IQCJ: variants seen among roughly 807,000 people sequenced by gnomAD.
IQCJ encodes the protein IQ domain-containing protein J.
IQCJ carries 9 observed loss-of-function variants against 11.0 expected under a neutral mutation model. That is an observed-to-expected ratio of 0.82 (90% CI 0.49 to 1.43). The LOEUF (loss-of-function observed/expected upper bound fraction) is 1.43. IQCJ is among the 40% of genes most tolerant of loss of function. The probability of loss-of-function intolerance (pLI) is 0.00; values close to 1 mark genes in which losing one functional copy is unlikely to be tolerated. For synonymous variants in IQCJ, 55 were observed against 51.3 expected (o/e 1.07, Z -0.31); for missense variants, 146 against 133.2 (o/e 1.10, Z -0.47).
At chr3:159,221,820 T>TAA (rs59547898) in intron 1 of IQCJ, among the ~76,000 whole-genome samples, 2 of 99,066 alleles carry the variant, frequency 2.0e-5, no homozygotes, top group Non-Finnish European at 4.5e-5. Context: ...CAAGAAAGAA[T>TAA]AAAAAAAAAA....
chr3:159,166,738 A>G (rs967820384), intron 1 of IQCJ, among the ~76,000 whole-genome samples: 1 of 152,174 alleles, frequency 6.6e-6, no homozygotes, highest in Admixed American at 6.5e-5. Context: ...TATGCAAAGG[A>G]AAAATTGAAG....
intron 1 of IQCJ, among the ~76,000 whole-genome samples, chr3:159,214,800 G>C (rs563228687): frequency 6.6e-6 from 1 of 152,028 alleles, no homozygotes; most frequent in Non-Finnish European, 1.5e-5. Context: ...TTCTTTCTTT[G>C]TTTCTGGCAG....
intron 2 of IQCJ, among the ~76,000 whole-genome samples, chr3:159,252,068 T>C (rs1577116243): frequency 6.6e-6 from 1 of 152,190 alleles, no homozygotes; most frequent in Non-Finnish European, 1.5e-5. Flanking sequence ...TGTTTTCACC[T>C]CTATTTGTTT....
chr3:159,257,756 T>C (rs1482525885), intron 3 of IQCJ, among the ~76,000 whole-genome samples: 1 of 152,210 alleles, frequency 6.6e-6, no homozygotes, highest in Non-Finnish European at 1.5e-5. Flanking sequence ...AAAAATCAAC[T>C]AACAGACTGA....
intron 1 of IQCJ, among the ~76,000 whole-genome samples, chr3:159,232,451 CTTTTTTTTTTTTTT>C (rs35423818): frequency 1.2e-5 from 1 of 83,762 alleles, no homozygotes; most frequent in Non-Finnish European, 2.3e-5. Context: ...GAGAGACTTT[CTTTTTTTTTTTTTT>C]TTTTTTTTTG....
intron 1 of IQCJ, among the ~76,000 whole-genome samples, chr3:159,125,783 A>G (rs185731550): frequency 1.3e-5 from 2 of 152,340 alleles, no homozygotes; most frequent in Non-Finnish European, 2.9e-5. Context: ...ATTCAGCCTA[A>G]TCAATCCAAA....
chr3:159,121,340 G>A (rs1719371568), intron 1 of IQCJ, among the ~76,000 whole-genome samples: 1 of 151,948 alleles, frequency 6.6e-6, no homozygotes, highest in South Asian at 2.1e-4. Flanking sequence ...TTGCCATGTT[G>A]CCCAGGCTGA....
intron 1 of IQCJ, among the ~76,000 whole-genome samples, chr3:159,151,754 G>A (rs927339663): frequency 3.3e-5 from 5 of 152,168 alleles, no homozygotes; most frequent in Admixed American, 2.6e-4. Context: ...TCCTGCCTCA[G>A]CCTCCTGAGC....
At chr3:159,073,292 C>A (rs548110067) in intron 1 of IQCJ, among the ~76,000 whole-genome samples, 1 of 152,234 alleles carries the variant, frequency 6.6e-6, no homozygotes, top group African/African-American at 2.4e-5. Flanking sequence ...GCACTTCTTG[C>A]AGCTGAATAG....
intron 1 of IQCJ, among the ~76,000 whole-genome samples, chr3:159,151,157 T>G (rs1721192726): frequency 6.6e-6 from 1 of 152,140 alleles, no homozygotes; most frequent in Non-Finnish European, 1.5e-5. Context: ...GAGCAGAACA[T>G]CTCTTCCACC....
chr3:159,103,976 C>G (rs1226484697), intron 1 of IQCJ, among the ~76,000 whole-genome samples: 4 of 152,216 alleles, frequency 2.6e-5, no homozygotes, highest in Admixed American at 2.0e-4. Flanking sequence ...GGGGCCCCAT[C>G]TAGTGAGGCA....
At chr3:159,229,315 T>G (rs549257934) in intron 1 of IQCJ, among the ~76,000 whole-genome samples, 1 of 152,180 alleles carries the variant, frequency 6.6e-6, no homozygotes, top group Non-Finnish European at 1.5e-5. Context: ...ATCTAGAATA[T>G]TCACTTTCAA....
chr3:159,153,290 C>G (rs2108206038), intron 1 of IQCJ, among the ~76,000 whole-genome samples: 1 of 152,266 alleles, frequency 6.6e-6, no homozygotes, highest in Middle Eastern at 3.4e-3. Context: ...TGTAGGAGCT[C>G]TGTTAGCCAA....
chr3:159,074,583 T>A (rs1238828769), intron 1 of IQCJ, among the ~76,000 whole-genome samples: 2 of 152,104 alleles, frequency 1.3e-5, no homozygotes, highest in African/African-American at 4.8e-5. Flanking sequence ...CACTGCTCGT[T>A]CAACTCCTCA....
At chr3:159,257,168 T>G (rs1028162858) in intron 3 of IQCJ, among the ~76,000 whole-genome samples, 1 of 152,202 alleles carries the variant, frequency 6.6e-6, no homozygotes, top group African/African-American at 2.4e-5. Flanking sequence ...CCCAGAACTG[T>G]GGAGTGGTCA....
intron 1 of IQCJ, among the ~76,000 whole-genome samples, chr3:159,237,194 A>C (rs1488089394): frequency 2.0e-5 from 3 of 152,252 alleles, no homozygotes; most frequent in Non-Finnish European, 2.9e-5. Context: ...GAGAAAAAGC[A>C]ATTTTGATTG....
chr3:159,090,251 G>A (rs1275838238), intron 1 of IQCJ, among the ~76,000 whole-genome samples: 2 of 151,710 alleles, frequency 1.3e-5, no homozygotes, highest in Non-Finnish European at 2.9e-5. Context: ...GGGGTCAGGG[G>A]TCAGGGACCC....
chr3:159,201,812 GT>G (rs1724364100), intron 1 of IQCJ, among the ~76,000 whole-genome samples: 1 of 151,868 alleles, frequency 6.6e-6, no homozygotes, highest in Non-Finnish European at 1.5e-5. Context: ...GGATTTGGAA[GT>G]TTTCTGTTGT....
intron 1 of IQCJ, among the ~76,000 whole-genome samples, chr3:159,223,869 G>T (rs979362773): frequency 9.9e-5 from 15 of 152,068 alleles, no homozygotes. Context: ...TATGTAAGGT[G>T]TATATGAAAC....
Sources: allele counts gnomAD v4.1 joint callset (sites outside exome capture counted in the v4.1 genomes callset), GRCh38; gene constraint gnomAD v4.1.1; transcripts MANE v1.5; gene names NCBI Gene and HGNC (gene_info 2026-07-23, HGNC 2026-07-21).